PRKG1: variants seen among roughly 807,000 people sequenced by gnomAD.
The protein encoded by PRKG1 is protein kinase cGMP-dependent 1.
In PRKG1, 35 loss-of-function variants were observed where a neutral mutation model predicts 88.1. The ratio of observed to expected loss-of-function variants is 0.40; its 90% CI spans 0.30 to 0.53. The LOEUF (loss-of-function observed/expected upper bound fraction) is 0.53. Ranked by LOEUF, PRKG1 falls within the 20% of genes least tolerant of loss-of-function variation. The pLI is 0.59. For synonymous variants in PRKG1, 303 were observed against 292.5 expected (o/e 1.04, Z -0.37); for missense variants, 540 against 839.8 (o/e 0.64, Z 4.41).
chr10:52,183,063 C>G (rs1347795785), intron 9 of PRKG1, among the ~76,000 whole-genome samples: 2 of 152,174 alleles, frequency 1.3e-5, no homozygotes, highest in African/African-American at 4.8e-5. Flanking sequence ...CATGTAAACT[C>G]ATAGAGTGAG....
At chr10:51,480,080 T>C (rs1395220328) in intron 3 of PRKG1, among the ~76,000 whole-genome samples, 1 of 152,128 alleles carries the variant, frequency 6.6e-6, no homozygotes, top group African/African-American at 2.4e-5. Flanking sequence ...ATTAGTTAAG[T>C]AGGCACTAGA....
At chr10:52,123,546 A>G (rs991717627) in intron 7 of PRKG1, among the ~76,000 whole-genome samples, 20 of 152,058 alleles carry the variant, frequency 1.3e-4, no homozygotes, top group African/African-American at 4.6e-4. Context: ...ACCTTTATGC[A>G]TTTTTCATTG....
At position 51,153,260 on chromosome 10, in the gene PRKG1, G is replaced by A. The variant is rs55806342; in HGVS notation, c.408G>A (p.Pro136=). ...QIQEIVDCMY[P]VEYGKDSCII... ...AGGAGATTGTGGATTGTATGTACCC[G>A]GTGGAGTATGGCAAGGACAGTTGCA... Residue 136 remains proline (P), a synonymous_variant, in exon 2 of 18, where the codon CCG becomes CCA. Coordinates refer to ENST00000373980, the MANE Select transcript of PRKG1 (RefSeq NM_006258.4). 0.02 allele frequency: 32,107 copies of A among 1,612,374 alleles called. 434 individuals are homozygous for A. Among genetic ancestry groups the A allele is most frequent in the Middle Eastern group, 0.025 (152 of 6,050 alleles).
intron 3 of PRKG1, among the ~76,000 whole-genome samples, chr10:51,586,930 A>C (rs1267974846): frequency 6.6e-6 from 1 of 152,134 alleles, no homozygotes; most frequent in Non-Finnish European, 1.5e-5. Context: ...ATGTCTCAAG[A>C]TAGACTAAGC....
intron 5 of PRKG1, among the ~76,000 whole-genome samples, chr10:52,023,910 A>T (rs1845256923): frequency 6.6e-6 from 1 of 152,196 alleles, no homozygotes; most frequent in Non-Finnish European, 1.5e-5. Flanking sequence ...GAAGCTCTTT[A>T]GCTTAATTAA....
intron 2 of PRKG1, among the ~76,000 whole-genome samples, chr10:51,454,057 C>T (rs1839512377): frequency 6.6e-6 from 1 of 151,940 alleles, no homozygotes; most frequent in South Asian, 2.1e-4. Context: ...AAGATCTCTG[C>T]AAAGAAACTT....
At chr10:51,976,427 G>A (rs1843834640) in intron 5 of PRKG1, among the ~76,000 whole-genome samples, 1 of 151,910 alleles carries the variant, frequency 6.6e-6, no homozygotes, top group African/African-American at 2.4e-5. Context: ...GCATAAAAAG[G>A]AATGAAGTCC....
chr10:51,761,718 C>T (rs183346848), intron 3 of PRKG1, among the ~76,000 whole-genome samples: 72 of 152,058 alleles, frequency 4.7e-4, no homozygotes, highest in Non-Finnish European at 9.7e-4. Flanking sequence ...CTATGTACAT[C>T]CCTAAACATT....
intron 2 of PRKG1, among the ~76,000 whole-genome samples, chr10:51,430,027 A>G (rs903656432): frequency 6.6e-6 from 1 of 152,156 alleles, no homozygotes; most frequent in Admixed American, 6.5e-5. Context: ...ATCTTAACAA[A>G]CTCAGAGTGG....
chr10:51,238,004 T>C (rs1468739059), intron 2 of PRKG1, among the ~76,000 whole-genome samples: 1 of 152,182 alleles, frequency 6.6e-6, no homozygotes, highest in African/African-American at 2.4e-5. Flanking sequence ...ATGGTAAGAT[T>C]GTCATTGAAA....
intron 3 of PRKG1, among the ~76,000 whole-genome samples, chr10:51,566,514 T>C (rs942330315): frequency 1.3e-5 from 2 of 152,072 alleles, no homozygotes; most frequent in African/African-American, 4.8e-5. Context: ...AGCTTTCTAG[T>C]AGATTATATA....
At chr10:52,278,179 G>A (rs1033015318) in intron 12 of PRKG1, among the ~76,000 whole-genome samples, 2 of 152,116 alleles carry the variant, frequency 1.3e-5, no homozygotes, top group Non-Finnish European at 2.9e-5. Flanking sequence ...CTTCTCAAAA[G>A]AAGACATTTA....
At position 52,293,951 on chromosome 10, in the gene PRKG1, C is replaced by T. The variant is rs768129334; in HGVS notation, c.*51C>T. ...TTGCTGAAGACAGCTTTTTCTGAGA[C>T]ACAGCTGCCAGCAAACCTGAGGGAA... On this transcript the variant is annotated 3_prime_UTR_variant, in exon 18 of 18. Transcript: ENST00000373980. The T allele has an allele frequency of 9.6e-6, 14 of 1,462,178 alleles. No individual in the cohort carries two copies. The South Asian group carries it at 1.6e-4, about 17-fold the overall frequency. The allele number at this position is 1,462,178 out of a possible 1,614,324, so 90.6% of individuals were successfully genotyped here. A position where few individuals can be genotyped will look rare whatever the true frequency, so the allele number is the denominator to read the frequency against.
intron 3 of PRKG1, among the ~76,000 whole-genome samples, chr10:51,477,293 A>ACGGAAAGAAAGGAAAGT (rs1435220096): frequency 2.7e-5 from 4 of 150,728 alleles, no homozygotes; most frequent in African/African-American, 9.8e-5. Context: ...GAAAGGAAAG[A>ACGGAAAGAAAGGAAAGT]CAGAAAGATT....
chr10:52,121,699 C>T (rs993277824), intron 7 of PRKG1, among the ~76,000 whole-genome samples: 7 of 152,174 alleles, frequency 4.6e-5, no homozygotes, highest in East Asian at 1.9e-4. Context: ...ATACCTTATT[C>T]GTCATTTCTC....
At chr10:51,432,675 G>C (rs1387171581) in intron 2 of PRKG1, among the ~76,000 whole-genome samples, 1 of 150,812 alleles carries the variant, frequency 6.6e-6, no homozygotes, top group Non-Finnish European at 1.5e-5. Context: ...TTGTACCTTA[G>C]GGTGTCTGCT....
rs114496986 is a variant in PRKG1 at position 51,091,129 on chromosome 10, G to T, written c.311+16228G>T. Among the ~76,000 whole-genome samples the T allele has an allele frequency of 7.7e-3, 1,170 of 152,232 alleles. 14 individuals carry two copies. Among genetic ancestry groups the T allele is most frequent in the African/African-American group, 0.026 (1,062 of 41,530 alleles). ...AAATTCTTGACAGTCATAATGATGAGCTGATAATGGAATGCTTTAGAATAA... is the reference window on the plus strand; with the variant it reads ...AAATTCTTGACAGTCATAATGATGATCTGATAATGGAATGCTTTAGAATAA... On this transcript the variant is annotated intron_variant, in intron 1 of 17. Coordinates refer to ENST00000373980, the MANE Select transcript of PRKG1 (RefSeq NM_006258.4).
chr10:52,046,674 G>A (rs1297886448), intron 5 of PRKG1: 1 of 152,080 alleles, frequency 6.6e-6, no homozygotes, highest in Admixed American at 6.6e-5. Context: ...TAACCAGGGA[G>A]CCTGCCTCCA....
intron 2 of PRKG1, among the ~76,000 whole-genome samples, chr10:51,299,291 C>T (rs1200807259): frequency 6.6e-6 from 1 of 151,690 alleles, no homozygotes; most frequent in African/African-American, 2.4e-5. Context: ...CTGCAACCTC[C>T]GCCTCCTGGG....
Sources: allele counts gnomAD v4.1 joint callset (sites outside exome capture counted in the v4.1 genomes callset), GRCh38; gene constraint gnomAD v4.1.1; transcripts MANE v1.5; gene names NCBI Gene and HGNC (gene_info 2026-07-23, HGNC 2026-07-21).